The following COL6A5 variants were observed in gnomAD, a reference collection of about 807,000 sequenced individuals.
COL6A5 encodes collagen alpha-5(VI) chain.
Under a neutral mutation model 65.6 loss-of-function variants are expected in COL6A5, and 48 were observed. The observed-to-expected ratio is 0.73, with a 90% CI of 0.58 to 0.93. The LOEUF is 0.93. Among genes scored for constraint, COL6A5 ranks in the 40% least tolerant of loss-of-function variants. The probability of loss-of-function intolerance (pLI) is 0.00; values close to 1 mark genes in which losing one functional copy is unlikely to be tolerated. For synonymous variants in COL6A5, 291 were observed against 322.8 expected (o/e 0.90, Z 1.05); for missense variants, 914 against 928.3 (o/e 0.98, Z 0.20).
At chr3:130,384,371 T>C (rs1359844410) in intron 4 of COL6A5, among the ~76,000 whole-genome samples, 2 of 152,106 alleles carry the variant, frequency 1.3e-5, no homozygotes, top group African/African-American at 4.8e-5. Flanking sequence ...TCTAAGTTTA[T>C]ATTTAAATAT....
chr3:130,401,668 G>A (rs1936820700), intron 11 of COL6A5, 94 bp from the exon 12 acceptor site: 2 of 922,132 alleles, frequency 2.2e-6, no homozygotes, highest in Non-Finnish European at 1.7e-6. Flanking sequence ...AGATGGGCGT[G>A]TAGATGGTGG....
intron 25 of COL6A5, among the ~76,000 whole-genome samples, chr3:130,420,015 CT>C (rs1301852582): frequency 9.9e-5 from 15 of 152,192 alleles, no homozygotes; most frequent in African/African-American, 2.9e-4. Flanking sequence ...TCCATAAAGG[CT>C]TTCAGTCTTC....
chr3:130,421,276 T>G (rs1250861708), intron 26 of COL6A5, 49 bp from the exon 27 acceptor site: 2 of 1,547,518 alleles, frequency 1.3e-6, no homozygotes, highest in African/African-American at 2.7e-5. Context: ...ATGTTCATAC[T>G]GCAGAAGTGA....
chr3:130,397,919 G>T, exon 9 of COL6A5: 1 of 1,550,120 alleles, frequency 6.5e-7, no homozygotes, highest in Non-Finnish European at 8.7e-7. Context: ...GCATCCCGGG[G>T]CCAGGTATCC....
chr3:130,443,429 A>G lies in COL6A5; in HGVS notation c.1242-47A>G. ...TTGGGATTCTCTTTACCTAGGAAAC[A>G]TCATTTCCAGTTTTAAAATCTAACT... is the stretch of plus-strand genomic sequence containing the variant. On this transcript the variant is annotated intron_variant, in intron 3 of 7. Transcript: ENST00000512836. 2.2e-6 allele frequency: 3 copies of G among 1,347,696 alleles called. No individual in the cohort carries two copies. In the South Asian group the frequency reaches 3.6e-5, roughly 16 times the overall value. The allele number at this position is 1,347,696 out of a possible 1,614,324, so 83.5% of individuals were successfully genotyped here.
chr3:130,391,513 G>A, exon 7 of COL6A5: 2 of 1,551,702 alleles, frequency 1.3e-6, no homozygotes, highest in Non-Finnish European at 1.7e-6. Flanking sequence ...AAAATGTGAA[G>A]CAGATGCTGA....
At chr3:130,455,658 T>C in exon 5 of COL6A5, 1 of 1,608,420 alleles carries the variant, frequency 6.2e-7, no homozygotes, top group Non-Finnish European at 8.5e-7. Flanking sequence ...ATTGCAAGTC[T>C]CACTTCTGGT....
At chr3:130,430,315 T>G (rs761772094), upstream of COL6A5, among the ~76,000 whole-genome samples, 1 of 152,238 alleles carries the variant, frequency 6.6e-6, no homozygotes, top group African/African-American at 2.4e-5. Context: ...TCAGCTTTCA[T>G]ATTTTAAAAT....
At chr3:130,394,304 C>A (rs1053522271) in intron 7 of COL6A5, among the ~76,000 whole-genome samples, 6 of 152,196 alleles carry the variant, frequency 3.9e-5, no homozygotes, top group African/African-American at 1.4e-4. Context: ...CAGATACCAG[C>A]TCCACTCCAT....
chr3:130,397,587 C>T (rs750898571), exon 9 of COL6A5: 136 of 1,547,760 alleles, frequency 8.8e-5, no homozygotes, highest in African/African-American at 1.4e-5. Context: ...TTCTAGATTG[C>T]TTTATGGACA....
chr3:130,440,622 A>G (rs1709156845), exon 3 of COL6A5: 1 of 1,613,296 alleles, frequency 6.2e-7, no homozygotes. Context: ...GAGAGAAAAG[A>G]ATTTGTAAAA....
At chr3:130,401,703 C>G in intron 11 of COL6A5, 59 bp from the exon 12 acceptor site, 6 of 1,274,620 alleles carry the variant, frequency 4.7e-6, no homozygotes, top group Non-Finnish European at 6.7e-6. Flanking sequence ...GAGTACAATT[C>G]TTATGGAATA....
At chr3:130,464,669 A>C (rs570805477) in intron 5 of COL6A5, among the ~76,000 whole-genome samples, 1 of 152,066 alleles carries the variant, frequency 6.6e-6, no homozygotes, top group Non-Finnish European at 1.5e-5. Context: ...ATGTGCAAAG[A>C]ATACAAAATA....
At chr3:130,379,827 G>A in exon 4 of COL6A5, 1 of 1,551,360 alleles carries the variant, frequency 6.4e-7, no homozygotes, top group East Asian at 2.4e-5. Context: ...ATGCTGCGCT[G>A]AACCTTCGAC....
At chr3:130,379,489 A>T in exon 4 of COL6A5, 9 of 1,551,296 alleles carry the variant, frequency 5.8e-6, no homozygotes, top group Non-Finnish European at 7.0e-6. Context: ...GTCACTTGGG[A>T]CCGGAGGAAA....
Position 130,415,880 on chromosome 3 carries a change from A to T in COL6A5, c.4824+173A>T, listed in dbSNP as rs140883995. ...CAGATTCCTCATACGTAGCTAAAGC[A>T]CTCCTCTTTCTCCTTCACTGGGGTT... On this transcript the variant is annotated intron_variant and NMD_transcript_variant, in intron 23 of 41. Coordinates refer to the COL6A5 transcript ENST00000312481. Among the ~76,000 whole-genome samples the T allele has an allele frequency of 7.2e-3, 1,089 of 152,162 alleles. 16 individuals are homozygous for T. Among genetic ancestry groups the T allele is most frequent in the African/African-American group, 0.025 (1,038 of 41,524 alleles).
chr3:130,406,551 A>G (rs1936999948), intron 17 of COL6A5, among the ~76,000 whole-genome samples: 1 of 152,116 alleles, frequency 6.6e-6, no homozygotes, highest in South Asian at 2.1e-4. Flanking sequence ...AGCTTGTTCT[A>G]TGGGCATGTT....
At chr3:130,397,726 G>T in exon 9 of COL6A5, 1 of 1,551,674 alleles carries the variant, frequency 6.4e-7, no homozygotes, top group Middle Eastern at 1.7e-4. Context: ...GAGCTGTGGG[G>T]CTGGCACAGA....
intron 4 of COL6A5, among the ~76,000 whole-genome samples, chr3:130,452,377 C>T (rs1319404701): frequency 6.6e-6 from 1 of 152,048 alleles, no homozygotes; most frequent in Non-Finnish European, 1.5e-5. Context: ...TTCTATTTTC[C>T]CTAAGCATGC....
Sources: allele counts gnomAD v4.1 joint callset (sites outside exome capture counted in the v4.1 genomes callset), GRCh38; gene constraint gnomAD v4.1.1; transcripts MANE v1.5; gene names NCBI Gene and HGNC (gene_info 2026-07-23, HGNC 2026-07-21).